Variants in KIF1A observed in about 807,000 individuals in gnomAD.
KIF1A encodes the protein kinesin-like protein KIF1A.
In KIF1A, 46 loss-of-function variants were observed where a neutral mutation model predicts 227.3. The observed-to-expected ratio is 0.20, with a 90% confidence interval of 0.16 to 0.26. The LOEUF (loss-of-function observed/expected upper bound fraction) is 0.26. Ranked by LOEUF, KIF1A falls within the 10% of genes least tolerant of loss-of-function variation. The pLI is 1.00. For missense variants in KIF1A, 1,683 were observed against 2,485.9 expected, an observed-to-expected ratio of 0.68 and a Z score of 6.87; for synonymous variants, 1,022 against 1,012.8, an observed-to-expected ratio of 1.01 and a Z score of -0.17.
Position 240,766,265 on chromosome 2 carries a change from C to T in KIF1A, c.1685-472G>A, listed in dbSNP as rs1418111669. Among the ~76,000 whole-genome samples, 1 of 152,246 alleles carries T rather than the reference C, an allele frequency of 6.6e-6. No homozygotes were observed. The highest frequency in any genetic ancestry group is 1.5e-5 in the Non-Finnish European group (1 of 68,038). On this transcript the variant is annotated intron_variant, in intron 19 of 48. Transcript: ENST00000498729. This position sits in a 1 kb window ranked among gnomAD's most constrained non-coding sequence, Gnocchi z 5.0. The stretch of plus-strand genomic sequence containing the variant: ...CAGTCACAGGTCTGCAGGCCAGAGG[C>T]TGGCTGGATGCTGCCGGGAGATGCC...
chr2:240,717,007 G>A lies in KIF1A; in HGVS notation c.*357C>T, dbSNP rs2044648932. The A allele has an allele frequency of 7.7e-6, 2 of 259,350 alleles. No individual in the cohort carries two copies. The highest frequency in any genetic ancestry group is 2.2e-5 in the African/African-American group (1 of 45,540). The allele number at this position is 259,350 out of a possible 1,614,324, so 16.1% of individuals were successfully genotyped here. A position where few individuals can be genotyped will look rare whatever the true frequency, so the allele number is the denominator to read the frequency against. Reference sequence around the variant, plus strand: ...AGAACAAGTCTTATAGTTAATTTCCGAGTTGACTGTTTCAATGTCACTAAC... The same window carrying A: ...AGAACAAGTCTTATAGTTAATTTCCAAGTTGACTGTTTCAATGTCACTAAC... On this transcript the variant is annotated 3_prime_UTR_variant, in exon 49 of 49. Coordinates refer to ENST00000498729, the MANE Select transcript of KIF1A (RefSeq NM_001244008.2).
intron 45 of KIF1A, 160 bp from the exon 46 acceptor site, chr2:240,720,086 C>G (rs1289980528): frequency 1.7e-6 from 1 of 596,650 alleles, no homozygotes. Context: ...CGGGGCCCGT[C>G]CACCAGGATA....
In KIF1A at chr2:240,766,937, G is replaced by A; in HGVS notation, c.1662C>T (p.Ser554=). Residue 554 remains serine (S), a synonymous_variant, in exon 19 of 49, where the codon AGC becomes AGT. Transcript: ENST00000498729. This position sits in a 1 kb window ranked among gnomAD's most constrained non-coding sequence, Gnocchi z 5.0. ...FIKEEHCVFR[S]DSRGGSEAVV... ...TACCTTCGCTGCCTCCCCTGGAGTC[G>A]CTCCGGAAGACGCAGTGCTCCTCCT... 5.0e-6 allele frequency: 8 copies of A among 1,610,870 alleles called. No individual in the cohort carries two copies. Among genetic ancestry groups the A allele is most frequent in the Non-Finnish European group, 6.8e-6 (8 of 1,178,868 alleles).
intron 5 of KIF1A, among the ~76,000 whole-genome samples, chr2:240,786,985 C>T (rs1231340904): frequency 6.6e-6 from 1 of 152,156 alleles, no homozygotes; most frequent in Non-Finnish European, 1.5e-5. Flanking sequence ...ATGGCCAGGC[C>T]CTGAGCTCTG....
rs1177613985 is a variant in KIF1A at position 240,739,721 on chromosome 2, G to A, written c.3901+337C>T. ...CCAACAGGTTTCAGAGAGAGAGAGCGCGCCTCTTGCCGGCACCTTGATTTT... is the reference window on the plus strand; with the variant it reads ...CCAACAGGTTTCAGAGAGAGAGAGCACGCCTCTTGCCGGCACCTTGATTTT... On this transcript the variant is annotated intron_variant, in intron 37 of 48. Coordinates refer to ENST00000498729, the MANE Select transcript of KIF1A (RefSeq NM_001244008.2). This position sits in a 1 kb window ranked among gnomAD's most constrained non-coding sequence, Gnocchi z 5.6. Among the ~76,000 whole-genome samples, 2 of 152,164 alleles carry A rather than the reference G, an allele frequency of 1.3e-5. No homozygotes were observed. The highest frequency in any genetic ancestry group is 2.4e-5 in the African/African-American group (1 of 41,426).
At chr2:240,717,557 C>A (rs1027993154) in intron 48 of KIF1A, among the ~76,000 whole-genome samples, 151 bp from the exon 49 acceptor site, 1 of 152,218 alleles carries the variant, frequency 6.6e-6, no homozygotes, top group African/African-American at 2.4e-5. Flanking sequence ...GGGACTGAAT[C>A]TCTGCTTCTG....
intron 1 of KIF1A, among the ~76,000 whole-genome samples, chr2:240,813,154 G>GA (rs970093274): frequency 5.9e-5 from 9 of 152,218 alleles, no homozygotes; most frequent in Non-Finnish European, 1.2e-4. Context: ...AAGAGTTTGA[G>GA]AAAAAAACCA....
chr2:240,788,025 G>GGC lies in KIF1A; in HGVS notation c.363+25_363+26insGC. 1 of 1,466,780 alleles carries GGC rather than the reference G, an allele frequency of 6.8e-7. No individual in the cohort carries two copies. Among genetic ancestry groups the GGC allele is most frequent in the Non-Finnish European group, 9.3e-7 (1 of 1,073,804 alleles). 90.9% of individuals were successfully genotyped at this position (1,466,780 alleles called of 1,614,324 possible). A position where few individuals can be genotyped will look rare whatever the true frequency, so the allele number is the denominator to read the frequency against. On this transcript the variant is annotated intron_variant, in intron 4 of 48. Coordinates refer to ENST00000498729, the MANE Select transcript of KIF1A (RefSeq NM_001244008.2). This position sits in a 1 kb window ranked among gnomAD's most constrained non-coding sequence, Gnocchi z 6.6. ...TGGTCCCGCCCCATCTGCCAGGGCT[G>GGC]CCCCCGCCCGCCCCCCGCTTCGTGC...
In KIF1A at chr2:240,764,798, GC is replaced by G. The variant is rs547603458; in HGVS notation, c.1768+911del. On this transcript the variant is annotated intron_variant, in intron 20 of 48. Transcript: ENST00000498729. ...AAGGAGGCCCCCAACGGTGGGGTGG[GC>G]CTCATCCAAGCAGGTGAAGACCTAA... Among the ~76,000 whole-genome samples, 16 of 152,238 alleles carry G rather than the reference GC, an allele frequency of 1.1e-4. No homozygotes were observed. The South Asian group carries it at 3.1e-3, about 30-fold the overall frequency.
chr2:240,734,283 G>A (rs1312319866), intron 38 of KIF1A, among the ~76,000 whole-genome samples: 1 of 152,250 alleles, frequency 6.6e-6, no homozygotes, highest in Non-Finnish European at 1.5e-5. Flanking sequence ...CTTGCAGGGA[G>A]AGGGGAGCGG....
At chr2:240,795,357 G>C (rs972496522) in intron 2 of KIF1A, among the ~76,000 whole-genome samples, 1 of 152,216 alleles carries the variant, frequency 6.6e-6, no homozygotes, top group South Asian at 2.1e-4. Context: ...TAAAGGAAAC[G>C]TGGCTGCCCA....
At chr2:240,769,329 G>A (rs555037831) in intron 16 of KIF1A, 121 bp from the exon 17 acceptor site, 14 of 801,688 alleles carry the variant, frequency 1.7e-5, no homozygotes, top group Admixed American at 1.1e-4. Flanking sequence ...GTGCCCATGC[G>A]TGTCCCATCT....
intron 2 of KIF1A, among the ~76,000 whole-genome samples, chr2:240,791,025 G>T (rs1308789479): frequency 1.3e-5 from 2 of 152,130 alleles, no homozygotes; most frequent in African/African-American, 2.4e-5. Flanking sequence ...CCAGTTTCAG[G>T]TCCCACCTGC....
At position 240,775,798 on chromosome 2, in the gene KIF1A, C is replaced by G; in HGVS notation, c.958+53G>C. ...ACCCCCTCAGTGGGGAAGAAGGGCA[C>G]AGCCCAGGGTGGGATCAGAGCCCTG... On this transcript the variant is annotated intron_variant, in intron 11 of 48. Coordinates refer to ENST00000498729, the MANE Select transcript of KIF1A (RefSeq NM_001244008.2). This position sits in a 1 kb window ranked among gnomAD's most constrained non-coding sequence, Gnocchi z 5.5. 1 of 1,232,316 alleles carries G rather than the reference C, an allele frequency of 8.1e-7. No homozygotes were observed. Among genetic ancestry groups the G allele is most frequent in the South Asian group, 1.2e-5 (1 of 83,000 alleles). The allele number at this position is 1,232,316 out of a possible 1,614,324, so 76.3% of individuals were successfully genotyped here. A position where few individuals can be genotyped will look rare whatever the true frequency, so the allele number is the denominator to read the frequency against.
intron 9 of KIF1A, 150 bp downstream of exon 9, chr2:240,782,894 C>T (rs2054257233): frequency 4.1e-6 from 3 of 730,454 alleles, no homozygotes; most frequent in Admixed American, 2.0e-5. Flanking sequence ...ACCCCTTCTC[C>T]AGCATGTGAC....
intron 24 of KIF1A, 86 bp downstream of exon 24, chr2:240,761,143 T>C: frequency 1.4e-6 from 2 of 1,458,662 alleles, no homozygotes; most frequent in East Asian, 2.3e-5. Flanking sequence ...GAGAGCCAAG[T>C]GCTGAGTCCC....
At position 240,772,454 on chromosome 2, in the gene KIF1A, G is replaced by A. The variant is rs2052137649; in HGVS notation, c.1207+116C>T. On this transcript the variant is annotated intron_variant, in intron 14 of 48. Transcript: ENST00000498729. ...AGTGCTTTCTGCCCCCCAAAAAGGA[G>A]AAGAAAGCAGAGCAGGTACCCTGGG... The A allele has an allele frequency of 1.4e-5, 12 of 835,896 alleles. 1 individual carries two copies. In the South Asian group the frequency reaches 1.9e-4, roughly 13 times the overall value. The allele number at this position is 835,896 out of a possible 1,614,324, so 51.8% of individuals were successfully genotyped here. A position where few individuals can be genotyped will look rare whatever the true frequency, so the allele number is the denominator to read the frequency against.
At chr2:240,780,623 G>A (rs1461239197) in intron 10 of KIF1A, among the ~76,000 whole-genome samples, 1 of 151,874 alleles carries the variant, frequency 6.6e-6, no homozygotes. Context: ...CACAGCTCAT[G>A]TTCCCACGCA....
Position 240,725,046 on chromosome 2 carries a change from C to T in KIF1A, c.4256+225G>A, listed in dbSNP as rs2045857585. Reference sequence around the variant, plus strand: ...CCGCTGCAGGCTGGCCCTCAAGTCCCTCATAGTGGTGTCAGTGTCCCCTGC... The same window carrying T: ...CCGCTGCAGGCTGGCCCTCAAGTCCTTCATAGTGGTGTCAGTGTCCCCTGC... On this transcript the variant is annotated intron_variant, in intron 40 of 48. Transcript: ENST00000498729. The surrounding 1 kb of genome is among the most constrained non-coding windows in gnomAD (Gnocchi z 5.8). 6.6e-6 allele frequency among the ~76,000 whole-genome samples: 1 copy of T among 150,444 alleles called. No homozygotes were observed. The highest frequency in any genetic ancestry group is 2.1e-4 in the South Asian group (1 of 4,752).
Sources: gnomAD v4.1 joint callset for allele counts (sites outside exome capture counted in the v4.1 genomes callset) on GRCh38, gnomAD v4.1.1 for gene constraint, Gnocchi (gnomAD v3.1) non-coding constraint, MANE v1.5 for transcripts, NCBI Gene and HGNC (gene_info 2026-07-23, HGNC 2026-07-21) for gene names.